ATP11C: variants seen among roughly 807,000 people sequenced by gnomAD.
ATP11C encodes the protein phospholipid-transporting ATPase IG.
In ATP11C, 36 loss-of-function variants were observed where a neutral mutation model predicts 97.4. The observed-to-expected ratio is 0.37, with a 90% CI of 0.28 to 0.49. The LOEUF (loss-of-function observed/expected upper bound fraction) is 0.49. Ranked by LOEUF, ATP11C falls within the 20% of genes least tolerant of loss-of-function variation. The probability of loss-of-function intolerance (pLI) is 0.98; values close to 1 mark genes in which losing one functional copy is unlikely to be tolerated. For synonymous variants in ATP11C, 275 were observed against 290.9 expected, an observed-to-expected ratio of 0.95 and a Z score of 0.56; for missense variants, 730 against 824.6, an observed-to-expected ratio of 0.89 and a Z score of 1.40.
upstream of ATP11C, among the ~76,000 whole-genome samples, chrX:139,934,551 C>T (rs1203685703): frequency 1.9e-5 from 2 of 103,999 alleles, no homozygotes; most frequent in African/African-American, 7.1e-5. Context: ...TCTAGCTTTA[C>T]CTTTTTTTTT....
rs192437443 is a variant in ATP11C, at chrX:139,802,846, A to C, written c.556-507T>G. Among the ~76,000 whole-genome samples, 5 of 112,266 alleles carry C rather than the reference A, an allele frequency of 4.5e-5. No homozygotes were observed. In the East Asian group the frequency reaches 1.1e-3, roughly 25 times the overall value. On this transcript the variant is annotated intron_variant, in intron 6 of 29. Coordinates refer to ENST00000682941, the MANE Select transcript of ATP11C (RefSeq NM_001353812.2). ...ACAAATAGCTTAATTAATGATCTTG[A>C]AAATGTTCAATATGGATACATTTTG...
At chrX:139,920,229 T>A (rs1371428411) in intron 1 of ATP11C, among the ~76,000 whole-genome samples, 1 of 108,490 alleles carries the variant, frequency 9.2e-6, no homozygotes. Flanking sequence ...TGGTGGTGCG[T>A]GCCTGTAGTC....
intron 1 of ATP11C, among the ~76,000 whole-genome samples, chrX:139,846,900 C>CTTACAT (rs2083917107): frequency 9.4e-6 from 1 of 106,597 alleles, no homozygotes; most frequent in African/African-American, 3.4e-5. Flanking sequence ...CTCTGCACTG[C>CTTACAT]TTACATGGCA....
chrX:139,746,990 G>C (rs906516939), intron 24 of ATP11C, among the ~76,000 whole-genome samples: 1 of 111,526 alleles, frequency 9.0e-6, no homozygotes, highest in South Asian at 3.8e-4. Flanking sequence ...GTGGGGCTTC[G>C]TGCACATGGC....
chrX:139,812,764 C>A (rs969726553), intron 5 of ATP11C, among the ~76,000 whole-genome samples: 8 of 111,306 alleles, frequency 7.2e-5, no homozygotes, highest in Admixed American at 1.9e-4. Flanking sequence ...AAGCGATCCA[C>A]CCAACTTGGC....
intron 24 of ATP11C, among the ~76,000 whole-genome samples, chrX:139,747,273 G>T (rs1367353753): frequency 8.9e-6 from 1 of 112,102 alleles, no homozygotes; most frequent in Non-Finnish European, 1.9e-5. Flanking sequence ...GCAAAAGCAG[G>T]AAGTAGTTCC....
At chrX:139,832,309 G>A (rs1012358738) in intron 1 of ATP11C, 20 of 1,127,419 alleles carry the variant, frequency 1.8e-5, no homozygotes, top group African/African-American at 3.7e-5. Context: ...AACTTGGGAA[G>A]TGAGCCAATT....
intron 9 of ATP11C, 23 bp downstream of exon 9, chrX:139,798,656 G>T: frequency 3.6e-6 from 4 of 1,116,792 alleles, no homozygotes; most frequent in Non-Finnish European, 4.9e-6. Context: ...TTTTTTGATA[G>T]GTGTATCTTA....
intron 1 of ATP11C, among the ~76,000 whole-genome samples, chrX:139,873,446 G>A (rs1215251598): frequency 1.8e-5 from 2 of 111,150 alleles, no homozygotes; most frequent in South Asian, 3.7e-4. Flanking sequence ...GGGGGTTCAC[G>A]CCTGTAATCC....
chrX:139,882,111 C>T (rs1191204912), intron 1 of ATP11C, among the ~76,000 whole-genome samples: 2 of 111,424 alleles, frequency 1.8e-5, no homozygotes, highest in Non-Finnish European at 3.8e-5. Flanking sequence ...TTCATTCAAA[C>T]GAACACTTCC....
rs377354695 is a variant in ATP11C, at chrX:139,799,291, T to C, written c.711-548A>G. On this transcript the variant is annotated intron_variant, in intron 8 of 29. Coordinates refer to ENST00000682941, the MANE Select transcript of ATP11C (RefSeq NM_001353812.2). ...CTTTTTGTATGAACTGCTTGATAAATTGTATGAAGGCTGATACATACAATT... is the reference window on the plus strand; with the variant it reads ...CTTTTTGTATGAACTGCTTGATAAACTGTATGAAGGCTGATACATACAATT... Among the ~76,000 whole-genome samples, 92 of 111,604 alleles carry C rather than the reference T, an allele frequency of 8.2e-4. 3 individuals are homozygous for C. The South Asian group carries it at 0.034, about 41-fold the overall frequency.
At chrX:139,820,578 C>T (rs1443826749) in intron 2 of ATP11C, among the ~76,000 whole-genome samples, 1 of 109,936 alleles carries the variant, frequency 9.1e-6, no homozygotes, top group African/African-American at 3.3e-5. Context: ...GGTGTATACA[C>T]AACCCTGGGC....
Position 139,728,830 on chromosome X carries a change from G to A in ATP11C, c.*136C>T. On this transcript the variant is annotated 3_prime_UTR_variant, in exon 30 of 30. Coordinates refer to ENST00000682941, the MANE Select transcript of ATP11C (RefSeq NM_001353812.2). ...ATTGTGAACTCTAGACATGAGAGTG[G>A]TTTAGTGTGTTGCGTATCAAGTATC... is the stretch of plus-strand genomic sequence containing the variant. 1 of 803,129 alleles carries A rather than the reference G, an allele frequency of 1.2e-6. No individual in the cohort carries two copies. Among genetic ancestry groups the A allele is most frequent in the Non-Finnish European group, 1.9e-6 (1 of 535,930 alleles). 66.2% of individuals were successfully genotyped at this position (803,129 alleles called of 1,213,427 possible). A position where few individuals can be genotyped will look rare whatever the true frequency, so the allele number is the denominator to read the frequency against.
chrX:139,762,116 A>T lies in ATP11C; in HGVS notation c.2495-10T>A. On this transcript the variant is annotated splice_polypyrimidine_tract_variant and intron_variant, in intron 21 of 29. Coordinates refer to ENST00000682941, the MANE Select transcript of ATP11C (RefSeq NM_001353812.2). ...TCTTTGCCTTTAATACCTAAAAGAGAGTATCTCTATATGGTGAGCATTTTC... is the reference window on the plus strand; with the variant it reads ...TCTTTGCCTTTAATACCTAAAAGAGTGTATCTCTATATGGTGAGCATTTTC... 3.4e-6 allele frequency: 4 copies of T among 1,179,231 alleles called. No homozygotes were observed. Among genetic ancestry groups the T allele is most frequent in the Non-Finnish European group, 4.6e-6 (4 of 873,409 alleles).
intron 5 of ATP11C, among the ~76,000 whole-genome samples, chrX:139,811,066 T>C (rs1203547429): frequency 1.8e-5 from 2 of 111,710 alleles, no homozygotes; most frequent in African/African-American, 6.5e-5. Context: ...GATTCATTGG[T>C]TGAAGTACTA....
intron 1 of ATP11C, among the ~76,000 whole-genome samples, chrX:139,871,717 T>C (rs1432771887): frequency 1.9e-5 from 2 of 107,580 alleles, no homozygotes; most frequent in Non-Finnish European, 3.8e-5. Context: ...GAGACAGGGT[T>C]TCACCATGTT....
rs182505382 is a variant in ATP11C at position 139,791,556 on chromosome X, A to G, written c.1207-2068T>C. 5.4e-5 allele frequency among the ~76,000 whole-genome samples: 6 copies of G among 111,977 alleles called. No individual in the cohort carries two copies. The East Asian group carries it at 1.7e-3, about 32-fold the overall frequency. ...ACTTGGAGGTCTTGTTAAAACTCAG[A>G]TCACTGCTCTATCACCAGAGTTTCT... On this transcript the variant is annotated intron_variant, in intron 12 of 29. Coordinates refer to ENST00000682941, the MANE Select transcript of ATP11C (RefSeq NM_001353812.2).
intron 17 of ATP11C, 46 bp from the exon 18 acceptor site, chrX:139,782,774 A>G (rs777620826): frequency 3.8e-5 from 17 of 449,674 alleles, no homozygotes; most frequent in East Asian, 2.2e-4. Context: ...TAATAGTTGG[A>G]AAAAAAAAAA....
At chrX:139,823,862 G>A (rs1343153739) in intron 2 of ATP11C, among the ~76,000 whole-genome samples, 3 of 111,172 alleles carry the variant, frequency 2.7e-5, no homozygotes, top group African/African-American at 9.8e-5. Flanking sequence ...ATAATCAACA[G>A]AGTAAACAGA....
Sources: gnomAD v4.1 joint callset for allele counts (sites outside exome capture counted in the v4.1 genomes callset) on GRCh38, gnomAD v4.1.1 for gene constraint, MANE v1.5 for transcripts, NCBI Gene and HGNC (gene_info 2026-07-23, HGNC 2026-07-21) for gene names.